Variants in CDH22 observed in about 807,000 individuals in gnomAD.
CDH22 encodes cadherin 22.
CDH22 carries 30 observed loss-of-function variants against 58.4 expected under a neutral mutation model. The ratio of observed to expected loss-of-function variants is 0.51; its 90% CI spans 0.38 to 0.70. The LOEUF is 0.70. CDH22 is among the 30% of genes least tolerant of loss of function. CDH22 has a pLI of 0.00. For synonymous variants in CDH22, 513 were observed against 558.2 expected (o/e 0.92, Z 1.14); for missense variants, 1,014 against 1,233.9 (o/e 0.82, Z 2.67).
chr20:46,204,200 C>T (rs1416796473), intron 7 of CDH22, among the ~76,000 whole-genome samples: 1 of 151,950 alleles, frequency 6.6e-6, no homozygotes, highest in East Asian at 1.9e-4. Flanking sequence ...TGAGACCAGC[C>T]TGGCCAACGT....
chr20:46,185,973 G>A (rs1203945209), intron 10 of CDH22, among the ~76,000 whole-genome samples: 3 of 152,116 alleles, frequency 2.0e-5, no homozygotes, highest in Non-Finnish European at 2.9e-5. Flanking sequence ...AGCACTTTGG[G>A]AGGCCGAGGC....
chr20:46,288,528 C>G (rs981636572), intron 1 of CDH22, among the ~76,000 whole-genome samples: 2 of 152,218 alleles, frequency 1.3e-5, no homozygotes, highest in Non-Finnish European at 1.5e-5. Context: ...CATAGAGCCT[C>G]TTGCCTGTTC....
intron 1 of CDH22, among the ~76,000 whole-genome samples, chr20:46,257,643 AG>A (rs1371742596): frequency 2.0e-5 from 3 of 152,242 alleles, no homozygotes; most frequent in Admixed American, 2.0e-4. Context: ...GTTTTTGGAC[AG>A]GTTAAACCCC....
chr20:46,262,888 C>T (rs904266786), intron 1 of CDH22, among the ~76,000 whole-genome samples: 10 of 152,222 alleles, frequency 6.6e-5, no homozygotes, highest in Admixed American at 1.3e-4. Context: ...GCCTCTGGGC[C>T]TTTGCTCCTG....
Position 46,177,271 on chromosome 20 carries a change from G to A in CDH22, c.1915+675C>T, listed in dbSNP as rs183507469. Among the ~76,000 whole-genome samples the A allele has an allele frequency of 3.5e-4, 53 of 152,334 alleles. 1 individual carries two copies. Among genetic ancestry groups the A allele is most frequent in the Admixed American group, 9.1e-4 (14 of 15,306 alleles). ...CCTCAGTGCCCTTCTTTACTTGGGT[G>A]GTTACAGCTGTAACAGGTGGCATAT... On this transcript the variant is annotated intron_variant, in intron 11 of 11. Transcript: ENST00000537909.
In CDH22 at chr20:46,240,701, G is replaced by T. The variant is rs900390942; in HGVS notation, c.550+262C>A. Among the ~76,000 whole-genome samples the T allele has an allele frequency of 7.2e-5, 11 of 152,120 alleles. 1 individual carries two copies. Among genetic ancestry groups the T allele is most frequent in the Non-Finnish European group, 1.2e-4 (8 of 68,014 alleles). ...TGGGTGTGGCTGTATGAGCATGTCCGAGGGCATCACTGTGTCCACATGCGG... is the reference window on the plus strand; with the variant it reads ...TGGGTGTGGCTGTATGAGCATGTCCTAGGGCATCACTGTGTCCACATGCGG... On this transcript the variant is annotated intron_variant, in intron 3 of 11. Coordinates refer to ENST00000537909, the MANE Select transcript of CDH22 (RefSeq NM_021248.3).
At chr20:46,289,383 T>C (rs1002973764) in intron 1 of CDH22, among the ~76,000 whole-genome samples, 28 of 152,244 alleles carry the variant, frequency 1.8e-4, no homozygotes, top group African/African-American at 6.0e-4. Context: ...CCTTTCTCTA[T>C]AATGTGAGTG....
chr20:46,233,669 G>A (rs779683883), intron 3 of CDH22, among the ~76,000 whole-genome samples: 4 of 152,204 alleles, frequency 2.6e-5, no homozygotes, highest in Middle Eastern at 3.2e-3. Context: ...TGGATGATTT[G>A]TTGATGGAAA....
intron 11 of CDH22, among the ~76,000 whole-genome samples, chr20:46,176,428 C>T (rs1471580175): frequency 2.0e-5 from 3 of 152,324 alleles, no homozygotes; most frequent in African/African-American, 4.8e-5. Flanking sequence ...TTAGGAACCC[C>T]GACTTTTCAA....
rs1439823943 is a variant in CDH22 at position 46,221,334 on chromosome 20, C to T, written c.671-4341G>A. Among the ~76,000 whole-genome samples the T allele has an allele frequency of 3.6e-5, 5 of 138,370 alleles. No individual in the cohort carries two copies. The Admixed American group carries it at 4.0e-4, about 11-fold the overall frequency. The allele number at this position is 138,370 out of a possible 152,430, so 90.8% of individuals were successfully genotyped here. A position where few individuals can be genotyped will look rare whatever the true frequency, so the allele number is the denominator to read the frequency against. On this transcript the variant is annotated intron_variant, in intron 4 of 11. Coordinates refer to ENST00000537909, the MANE Select transcript of CDH22 (RefSeq NM_021248.3). ...ATGACTGATAGAGAAATCCAGTTGG[C>T]TGGGCCATTCCTCTGCTGATTTTGT...
chr20:46,187,099 T>G, intron 8 of CDH22, 152 bp from the exon 9 acceptor site: 1 of 711,964 alleles, frequency 1.4e-6, no homozygotes, highest in Admixed American at 3.0e-5. Context: ...CTGGGAACAT[T>G]TGGGCATAAG....
In CDH22 at chr20:46,251,630, A is replaced by C; in HGVS notation, c.-336T>G. 1 of 198,972 alleles carries C rather than the reference A, an allele frequency of 5.0e-6. No homozygotes were observed. The highest frequency in any genetic ancestry group is 1.0e-5 in the Non-Finnish European group (1 of 99,560). 12.3% of individuals were successfully genotyped at this position (198,972 alleles called of 1,614,324 possible). On this transcript the variant is annotated 5_prime_UTR_variant, in exon 2 of 12. Coordinates refer to ENST00000537909, the MANE Select transcript of CDH22 (RefSeq NM_021248.3). This position sits in a 1 kb window ranked among gnomAD's most constrained non-coding sequence, Gnocchi z 6.7. ...GGAAGCGCCATGGTTCCTGCGCAGA[A>C]AGGATGCGGGTTGGGGCCGGCAGAT...
At chr20:46,250,085 C>G (rs961303102) in intron 2 of CDH22, among the ~76,000 whole-genome samples, 2 of 152,174 alleles carry the variant, frequency 1.3e-5, no homozygotes, top group Non-Finnish European at 2.9e-5. Context: ...CACATGGGCC[C>G]CACAAGGGGC....
At chr20:46,256,395 A>G (rs2086406740) in intron 1 of CDH22, among the ~76,000 whole-genome samples, 1 of 152,196 alleles carries the variant, frequency 6.6e-6, no homozygotes, top group African/African-American at 2.4e-5. Flanking sequence ...CATTAAGATG[A>G]GATTTAAACA....
intron 1 of CDH22, among the ~76,000 whole-genome samples, chr20:46,252,868 C>T (rs1433881400): frequency 6.6e-6 from 1 of 152,194 alleles, no homozygotes. Context: ...AGGGAAGGGA[C>T]TGAGCTCGGG....
intron 7 of CDH22, among the ~76,000 whole-genome samples, chr20:46,199,941 C>CTTT (rs113478026): frequency 8.7e-3 from 175 of 20,008 alleles, no homozygotes; most frequent in African/African-American, 0.085. Flanking sequence ...TTCCTTCCTT[C>CTTT]CTTCTTTTTC....
intron 1 of CDH22, among the ~76,000 whole-genome samples, chr20:46,291,047 C>A (rs1461047974): frequency 6.6e-6 from 1 of 152,136 alleles, no homozygotes; most frequent in Non-Finnish European, 1.5e-5. Flanking sequence ...GGAAGAGAGG[C>A]AGGTGGATCA....
intron 2 of CDH22, among the ~76,000 whole-genome samples, chr20:46,246,807 C>T (rs147439879): frequency 6.6e-6 from 1 of 152,260 alleles, no homozygotes; most frequent in East Asian, 1.9e-4. Flanking sequence ...AGGACGGATG[C>T]TCCGAGCGGC....
chr20:46,305,338 G>A (rs114595320), intron 1 of CDH22, among the ~76,000 whole-genome samples: 294 of 152,342 alleles, frequency 1.9e-3, no homozygotes, highest in African/African-American at 6.9e-3. Flanking sequence ...TGAGTTGAGA[G>A]CTCCATCTTA....
Sources: gnomAD v4.1 joint callset for allele counts (sites outside exome capture counted in the v4.1 genomes callset) on GRCh38, gnomAD v4.1.1 for gene constraint, Gnocchi (gnomAD v3.1) non-coding constraint, MANE v1.5 for transcripts, NCBI Gene and HGNC (gene_info 2026-07-23, HGNC 2026-07-21) for gene names.